The following ADGRG2 variants were observed in gnomAD, a reference collection of about 807,000 sequenced individuals.
ADGRG2 encodes the protein adhesion G protein-coupled receptor G2.
In ADGRG2, 26 loss-of-function variants were observed where a neutral mutation model predicts 74.1. That is an observed-to-expected ratio of 0.35 (90% confidence interval 0.26 to 0.49). The LOEUF is 0.49. Ranked by LOEUF, ADGRG2 falls within the 20% of genes least tolerant of loss-of-function variation. ADGRG2 has a pLI of 0.99. For missense variants in ADGRG2, 619 were observed against 763.1 expected (o/e 0.81, Z 2.22); for synonymous variants, 296 against 295.2 (o/e 1.00, Z -0.03).
At chrX:19,011,835 ACTCT>A (rs368325643) in intron 16 of ADGRG2, among the ~76,000 whole-genome samples, 1 of 109,735 alleles carries the variant, frequency 9.1e-6, no homozygotes, top group Non-Finnish European at 1.9e-5. Flanking sequence ...ACAGAGTGAG[ACTCT>A]CTCTCTCTCT....
At chrX:19,079,123 T>C (rs1397456042) in intron 2 of ADGRG2, among the ~76,000 whole-genome samples, 1 of 111,793 alleles carries the variant, frequency 8.9e-6, no homozygotes. Flanking sequence ...GGTATAACCA[T>C]TAAAAGTCTC....
At chrX:19,103,938 C>T (rs1376407057) in intron 1 of ADGRG2, among the ~76,000 whole-genome samples, 1 of 111,335 alleles carries the variant, frequency 9.0e-6, no homozygotes, top group Non-Finnish European at 1.9e-5. Flanking sequence ...TCCTATCACA[C>T]GTCTGAACAT....
At chrX:19,002,518 T>C (rs1040053952) in intron 24 of ADGRG2, among the ~76,000 whole-genome samples, 3 of 112,090 alleles carry the variant, frequency 2.7e-5, no homozygotes, top group African/African-American at 9.7e-5. Context: ...GCTAATGTTT[T>C]CAATATATTA....
intron 8 of ADGRG2, 180 bp from the exon 9 acceptor site, chrX:19,031,217 T>C (rs2060818501): frequency 2.3e-6 from 1 of 436,918 alleles, no homozygotes; most frequent in African/African-American, 2.5e-5. Context: ...TTGTTGGTCA[T>C]TTGTCAGCTA....
intron 3 of ADGRG2, 37 bp downstream of exon 3, chrX:19,068,680 C>G (rs759185072): frequency 1.7e-6 from 1 of 596,015 alleles, no homozygotes; most frequent in Admixed American, 3.4e-5. Context: ...TGCAGATAAA[C>G]AGAAAAAAAA....
chrX:19,015,008 G>A, intron 15 of ADGRG2, among the ~76,000 whole-genome samples: 1 of 111,463 alleles, frequency 9.0e-6, no homozygotes. Context: ...GCTGGTCTTG[G>A]GATGGGGCAT....
intron 4 of ADGRG2, among the ~76,000 whole-genome samples, chrX:19,039,722 T>C (rs1490113351): frequency 8.9e-6 from 1 of 112,226 alleles, no homozygotes; most frequent in East Asian, 2.8e-4. Flanking sequence ...ATCTGGGTTC[T>C]AATGTATTTG....
intron 3 of ADGRG2, among the ~76,000 whole-genome samples, chrX:19,058,434 A>G (rs1361521445): frequency 1.8e-5 from 2 of 111,044 alleles, no homozygotes; most frequent in East Asian, 5.6e-4. Context: ...TCAAGTTAGG[A>G]GCAAGGCAAA....
intron 25 of ADGRG2, 44 bp downstream of exon 25, chrX:18,999,816 GT>G: frequency 1.3e-6 from 1 of 779,699 alleles, no homozygotes; most frequent in Non-Finnish European, 2.0e-6. Flanking sequence ...GGAGCATTCC[GT>G]TTTCCAGTTC....
intron 7 of ADGRG2, chrX:19,035,362 C>G (rs1216871158): frequency 1.8e-5 from 2 of 112,195 alleles, no homozygotes; most frequent in Non-Finnish European, 3.8e-5. Context: ...ATTGCAATAA[C>G]TTCTATTAAA....
intron 3 of ADGRG2, among the ~76,000 whole-genome samples, chrX:19,041,587 G>A (rs866235030): frequency 1.8e-5 from 2 of 111,797 alleles, no homozygotes; most frequent in South Asian, 7.4e-4. Flanking sequence ...GTAGGGTACT[G>A]ATTGTTTTCT....
intron 3 of ADGRG2, among the ~76,000 whole-genome samples, chrX:19,043,974 T>C (rs1040989887): frequency 2.7e-5 from 3 of 111,522 alleles, no homozygotes; most frequent in Non-Finnish European, 5.6e-5. Flanking sequence ...AACATTTAAG[T>C]TGAAAACTTC....
chrX:19,010,766 G>T lies in ADGRG2; in HGVS notation c.1112C>A (p.Thr371Asn). ...APPVQTDIVN[T>N]SSISDLENQV... ...GTTCTCAAGATCAGAAATACTGCTG[G>T]TGTTGACGATGTCTATATCAAAGAG... Residue 371 changes from threonine (T) to asparagine (N), a missense_variant, in exon 17 of 29, where the codon ACC becomes AAC. This residue lies in a region of ADGRG2 where 292 missense variants were observed against 318.0 expected (regional missense o/e 0.92). Coordinates refer to ENST00000379869, the MANE Select transcript of ADGRG2 (RefSeq NM_001079858.3). 2 of 1,195,038 alleles carry T rather than the reference G, an allele frequency of 1.7e-6. No homozygotes were observed. Among genetic ancestry groups the T allele is most frequent in the South Asian group, 3.6e-5 (2 of 54,829 alleles).
Position 18,990,961 on chromosome X carries a change from A to G in ADGRG2, c.2957T>C (p.Met986Thr). ...GCAGGAATCTTCCTTCTCGTTAAACATGTGCTGTTTTCCAGTGAAATCGTG... is the reference window on the plus strand; with the variant it reads ...GCAGGAATCTTCCTTCTCGTTAAACGTGTGCTGTTTTCCAGTGAAATCGTG... ...CLHDFTGKQH[M>T]FNEKEDSCNG... is the part of the protein sequence containing the mutation. Residue 986 changes from methionine to threonine, a missense_variant, in exon 29 of 29, where the codon ATG (methionine) becomes ACG (threonine). Met to Thr is a moderately conservative substitution (Grantham distance 81). This residue lies in a region of ADGRG2 where 106 missense variants were observed against 104.5 expected (regional missense o/e 1.01). Coordinates refer to ENST00000379869, the MANE Select transcript of ADGRG2 (RefSeq NM_001079858.3). 2 of 1,201,807 alleles carry G rather than the reference A, an allele frequency of 1.7e-6. No individual in the cohort carries two copies. Among genetic ancestry groups the G allele is most frequent in the Non-Finnish European group, 2.3e-6 (2 of 886,657 alleles).
At chrX:19,121,359 T>A (rs1207011234) in intron 1 of ADGRG2, among the ~76,000 whole-genome samples, 1 of 111,774 alleles carries the variant, frequency 8.9e-6, no homozygotes, top group East Asian at 2.8e-4. Flanking sequence ...TTTTCTCCAA[T>A]CAATCTGTCT....
At chrX:19,108,104 C>CAAA (rs143987070) in intron 1 of ADGRG2, among the ~76,000 whole-genome samples, 1 of 44,970 alleles carries the variant, frequency 2.2e-5, no homozygotes, top group Non-Finnish European at 4.5e-5. Flanking sequence ...GACTCCGTCT[C>CAAA]AAAAAAAAAA....
At chrX:18,993,687 GA>G (rs139677355) in intron 28 of ADGRG2, among the ~76,000 whole-genome samples, 5,000 of 64,018 alleles carry the variant, frequency 0.078, 249 homozygotes, top group African/African-American at 0.2. Flanking sequence ...TAAAAAAAAA[GA>G]AAAAAAAAAA....
chrX:19,062,488 G>A (rs2061502919), intron 3 of ADGRG2, among the ~76,000 whole-genome samples: 1 of 112,030 alleles, frequency 8.9e-6, no homozygotes, highest in Non-Finnish European at 1.9e-5. Context: ...ATTTGGCAGG[G>A]GTCAGTGGGG....
intron 1 of ADGRG2, among the ~76,000 whole-genome samples, chrX:19,095,509 C>T (rs138572350): frequency 0.016 from 1,760 of 111,895 alleles, 29 homozygotes; most frequent in African/African-American, 0.052. Flanking sequence ...AGCTCCTACA[C>T]GTCCTTCTGC....
Sources: gnomAD v4.1 joint callset for allele counts (sites outside exome capture counted in the v4.1 genomes callset) on GRCh38, gnomAD v4.1.1 for gene constraint, gnomAD v4.1.1 regional missense constraint, MANE v1.5 for transcripts, NCBI Gene and HGNC (gene_info 2026-07-23, HGNC 2026-07-21) for gene names.